Variants in VAV3 observed in about 807,000 individuals in gnomAD.
The protein encoded by VAV3 is vav guanine nucleotide exchange factor 3, also known as guanine nucleotide exchange factor VAV3.
A neutral mutation model predicts 131.2 loss-of-function variants in VAV3; 94 were observed. The observed-to-expected ratio is 0.72, with a 90% CI of 0.61 to 0.85. The LOEUF is 0.85. Among genes scored for constraint, VAV3 ranks in the 40% least tolerant of loss-of-function variants. The probability of loss-of-function intolerance (pLI) is 0.00; values close to 1 mark genes in which losing one functional copy is unlikely to be tolerated. For synonymous variants in VAV3, 349 were observed against 342.0 expected (o/e 1.02, Z -0.22); for missense variants, 939 against 1,002.7 (o/e 0.94, Z 0.86).
intron 2 of VAV3, among the ~76,000 whole-genome samples, chr1:107,824,470 C>T (rs1667930144): frequency 6.6e-6 from 1 of 152,144 alleles, no homozygotes; most frequent in African/African-American, 2.4e-5. Flanking sequence ...AACCAATGTA[C>T]AAGGTATTCT....
chr1:107,831,523 C>T (rs1571013095), intron 2 of VAV3, among the ~76,000 whole-genome samples: 1 of 152,292 alleles, frequency 6.6e-6, no homozygotes, highest in African/African-American at 2.4e-5. Flanking sequence ...CCTCACAATT[C>T]ATATTTAACC....
intron 16 of VAV3, 59 bp downstream of exon 16, chr1:107,704,900 GA>G: frequency 6.6e-7 from 1 of 1,516,314 alleles, no homozygotes; most frequent in Admixed American, 1.7e-5. Flanking sequence ...AGAAAAGTCT[GA>G]AACACTTAGC....
intron 25 of VAV3, among the ~76,000 whole-genome samples, chr1:107,586,556 G>A (rs1323119952): frequency 6.6e-6 from 1 of 152,118 alleles, no homozygotes; most frequent in Admixed American, 6.6e-5. Context: ...AATCAGTCAG[G>A]CAATATTGAA....
intron 2 of VAV3, among the ~76,000 whole-genome samples, chr1:107,844,347 G>A (rs1377529106): frequency 2.6e-5 from 4 of 152,156 alleles, no homozygotes; most frequent in African/African-American, 9.7e-5. Context: ...TCCATCTGGT[G>A]CCTACACCAC....
intron 1 of VAV3, among the ~76,000 whole-genome samples, chr1:107,913,469 C>T (rs1261891766): frequency 3.3e-5 from 5 of 152,210 alleles, no homozygotes; most frequent in African/African-American, 1.2e-4. Flanking sequence ...AAATTATAAT[C>T]AGATAACTGG....
At chr1:107,602,343 T>G in intron 24 of VAV3, 54 bp downstream of exon 24, 1 of 1,305,164 alleles carries the variant, frequency 7.7e-7, no homozygotes, top group South Asian at 1.4e-5. Flanking sequence ...AAATGACCTT[T>G]CTAACAAAAG....
intron 2 of VAV3, among the ~76,000 whole-genome samples, chr1:107,821,663 G>C (rs1667798768): frequency 6.6e-6 from 1 of 152,200 alleles, no homozygotes; most frequent in Admixed American, 6.5e-5. Flanking sequence ...GACATGCATG[G>C]AAAAGCCAAA....
intron 2 of VAV3, among the ~76,000 whole-genome samples, chr1:107,854,521 A>G (rs1229685605): frequency 6.6e-6 from 1 of 152,218 alleles, no homozygotes; most frequent in Non-Finnish European, 1.5e-5. Context: ...TATATTAGAT[A>G]ACTTCATTCA....
intron 2 of VAV3, among the ~76,000 whole-genome samples, chr1:107,842,684 C>T (rs1248313517): frequency 6.6e-6 from 1 of 151,752 alleles, no homozygotes; most frequent in African/African-American, 2.4e-5. Context: ...TTTGGGTGTC[C>T]TTGGTTTTCT....
At chr1:107,589,187 G>GT (rs1650745639) in intron 25 of VAV3, among the ~76,000 whole-genome samples, 1 of 152,174 alleles carries the variant, frequency 6.6e-6, no homozygotes, top group African/African-American at 2.4e-5. Flanking sequence ...GCAGTGGGTC[G>GT]AATGGTGGCC....
At chr1:107,774,111 G>A (rs1320552062) in intron 4 of VAV3, among the ~76,000 whole-genome samples, 1 of 152,156 alleles carries the variant, frequency 6.6e-6, no homozygotes, top group African/African-American at 2.4e-5. Context: ...CTGTTGCCCA[G>A]GCTGGAGTAC....
intron 12 of VAV3, among the ~76,000 whole-genome samples, chr1:107,754,052 G>A (rs1180588618): frequency 2.6e-5 from 4 of 152,192 alleles, no homozygotes; most frequent in Admixed American, 6.5e-5. Context: ...AGGCAGAACT[G>A]TAGAAACGTA....
intron 2 of VAV3, among the ~76,000 whole-genome samples, chr1:107,847,593 CACT>C (rs1489706291): frequency 1.3e-5 from 2 of 152,092 alleles, no homozygotes; most frequent in Non-Finnish European, 2.9e-5. Context: ...GGGATATCAC[CACT>C]GATTCCACAG....
At chr1:107,871,934 C>A (rs1670272373) in intron 2 of VAV3, among the ~76,000 whole-genome samples, 2 of 152,188 alleles carry the variant, frequency 1.3e-5, no homozygotes, top group Admixed American at 1.3e-4. Flanking sequence ...CACCACTGGG[C>A]TGCAGACTCA....
chr1:107,630,059 T>C (rs1409209683), intron 20 of VAV3, among the ~76,000 whole-genome samples: 1 of 152,176 alleles, frequency 6.6e-6, no homozygotes, highest in East Asian at 1.9e-4. Context: ...TACAAAGCCA[T>C]TGTAACATCT....
intron 10 of VAV3, among the ~76,000 whole-genome samples, chr1:107,759,120 C>T (rs1428868714): frequency 6.6e-6 from 1 of 152,128 alleles, no homozygotes; most frequent in African/African-American, 2.4e-5. Flanking sequence ...GCAGCTTATA[C>T]TTCATTTTTC....
chr1:107,724,594 AAAG>A (rs1661714832), intron 15 of VAV3, among the ~76,000 whole-genome samples: 1 of 152,162 alleles, frequency 6.6e-6, no homozygotes, highest in Non-Finnish European at 1.5e-5. Context: ...GTGGAGAATG[AAAG>A]AGAGATTGGA....
chr1:107,777,323 A>C, intron 3 of VAV3, 27 bp from the exon 4 acceptor site: 1 of 1,605,454 alleles, frequency 6.2e-7, no homozygotes, highest in East Asian at 2.2e-5. Flanking sequence ...AAACAAAAAC[A>C]AAAAAACAAA....
chr1:107,955,034 C>T (rs1380651877), intron 1 of VAV3, among the ~76,000 whole-genome samples: 1 of 152,182 alleles, frequency 6.6e-6, no homozygotes, highest in African/African-American at 2.4e-5. Context: ...TATGTTTCCA[C>T]AGAAGCAGTG....
Sources: allele counts gnomAD v4.1 joint callset (sites outside exome capture counted in the v4.1 genomes callset), GRCh38; gene constraint gnomAD v4.1.1; transcripts MANE v1.5; gene names NCBI Gene and HGNC (gene_info 2026-07-23, HGNC 2026-07-21).